Variants in SLC25A13 observed in about 807,000 individuals in gnomAD.
SLC25A13 encodes the protein solute carrier family 25 member 13.
In SLC25A13, 70 loss-of-function variants were observed where a neutral mutation model predicts 85.5. The ratio of observed to expected loss-of-function variants is 0.82; its 90% confidence interval spans 0.68 to 1.00. The LOEUF (loss-of-function observed/expected upper bound fraction) is 1.00, where lower values mean the gene tolerates loss of function less well. Ranked by LOEUF, SLC25A13 falls within the 50% of genes least tolerant of loss-of-function variation. The pLI is 0.00. For missense variants in SLC25A13, 765 were observed against 819.8 expected (o/e 0.93, Z 0.82); for synonymous variants, 259 against 288.7 (o/e 0.90, Z 1.04).
chr7:96,202,835 A>G (rs1213033103), intron 5 of SLC25A13, among the ~76,000 whole-genome samples: 3 of 152,100 alleles, frequency 2.0e-5, no homozygotes, highest in African/African-American at 7.2e-5. Flanking sequence ...TCAATGAAAC[A>G]CCACCATCCT....
chr7:96,133,996 C>T (rs1792152518), intron 14 of SLC25A13, among the ~76,000 whole-genome samples: 1 of 151,102 alleles, frequency 6.6e-6, no homozygotes, highest in Admixed American at 6.6e-5. Context: ...GAAACTAAAA[C>T]CAAGCTTTTA....
At chr7:96,188,084 C>T (rs1412659018) in intron 9 of SLC25A13, among the ~76,000 whole-genome samples, 1 of 152,182 alleles carries the variant, frequency 6.6e-6, no homozygotes, top group Non-Finnish European at 1.5e-5. Context: ...CTAAAAAAAA[C>T]TTCTCTGCTT....
At chr7:96,200,765 G>T (rs1451514600) in intron 5 of SLC25A13, among the ~76,000 whole-genome samples, 1 of 152,152 alleles carries the variant, frequency 6.6e-6, no homozygotes, top group African/African-American at 2.4e-5. Flanking sequence ...GGTAACAGCT[G>T]GGGAGATGCT....
In SLC25A13 at chr7:96,131,891, T is replaced by G. The variant is rs1292924285; in HGVS notation, c.1453-10A>C. 1 of 1,613,934 alleles carries G rather than the reference T, an allele frequency of 6.2e-7. No individual in the cohort carries two copies. Among genetic ancestry groups the G allele is most frequent in the East Asian group, 2.2e-5 (1 of 44,872 alleles). Reference sequence around the variant, plus strand: ...AGCATGCTTTGGCACCCTGCACATTTGCAAAGGAAGAAAAACCACATGAAA... The same window carrying G: ...AGCATGCTTTGGCACCCTGCACATTGGCAAAGGAAGAAAAACCACATGAAA... On this transcript the variant is annotated splice_polypyrimidine_tract_variant and intron_variant, in intron 14 of 17. Transcript: ENST00000265631.
chr7:96,174,974 T>C (rs1321762385), intron 11 of SLC25A13, among the ~76,000 whole-genome samples: 2 of 152,194 alleles, frequency 1.3e-5, no homozygotes, highest in East Asian at 3.8e-4. Flanking sequence ...GTGAGACTGG[T>C]GCCTCCCCGC....
At chr7:96,133,284 T>C (rs912052260) in intron 14 of SLC25A13, among the ~76,000 whole-genome samples, 5 of 152,212 alleles carry the variant, frequency 3.3e-5, no homozygotes, top group Admixed American at 2.0e-4. Flanking sequence ...GGCTTCTGTA[T>C]CTTGTCCACC....
At chr7:96,138,898 C>A (rs1248123718) in intron 14 of SLC25A13, among the ~76,000 whole-genome samples, 1 of 152,146 alleles carries the variant, frequency 6.6e-6, no homozygotes. Context: ...TTCAAGCCAT[C>A]TCCTTTTAAT....
chr7:96,321,107 C>A (rs774538195), intron 1 of SLC25A13, among the ~76,000 whole-genome samples: 34 of 152,302 alleles, frequency 2.2e-4, no homozygotes, highest in Middle Eastern at 3.4e-3. Flanking sequence ...AGTTGAAATG[C>A]AGTCCAAAGA....
chr7:96,222,060 T>C (rs1332092825), intron 4 of SLC25A13, among the ~76,000 whole-genome samples: 1 of 152,256 alleles, frequency 6.6e-6, no homozygotes, highest in Non-Finnish European at 1.5e-5. Context: ...TAAATAGATT[T>C]ATTTTTTCCG....
intron 4 of SLC25A13, among the ~76,000 whole-genome samples, chr7:96,217,572 T>C (rs1795942660): frequency 1.3e-5 from 2 of 152,160 alleles, no homozygotes; most frequent in African/African-American, 2.4e-5. Flanking sequence ...GAATAACATA[T>C]GTGCTACATC....
Position 96,124,339 on chromosome 7 carries a change from T to C in SLC25A13, c.1592-2342A>G, listed in dbSNP as rs139274555. Among the ~76,000 whole-genome samples the C allele has an allele frequency of 7.1e-3, 1,080 of 152,356 alleles. 8 individuals carry two copies. The highest frequency in any genetic ancestry group is 0.012 in the Non-Finnish European group (839 of 68,034). Reference sequence around the variant, plus strand: ...GTTTTCCAAATCCCCTTTGCATCTCTATCTATATTATCTACTTAATACGTC... The same window carrying C: ...GTTTTCCAAATCCCCTTTGCATCTCCATCTATATTATCTACTTAATACGTC... On this transcript the variant is annotated intron_variant, in intron 15 of 17. Coordinates refer to ENST00000265631, the MANE Select transcript of SLC25A13 (RefSeq NM_014251.3).
intron 3 of SLC25A13, among the ~76,000 whole-genome samples, chr7:96,257,612 T>G (rs1248638423): frequency 1.3e-5 from 2 of 152,198 alleles, no homozygotes; most frequent in African/African-American, 2.4e-5. Context: ...CCAGATGGAT[T>G]CACAGCCAAA....
intron 12 of SLC25A13, 62 bp downstream of exon 12, chr7:96,171,410 C>T (rs1793994223): frequency 6.9e-7 from 1 of 1,447,518 alleles, no homozygotes; most frequent in Non-Finnish European, 9.7e-7. Flanking sequence ...ATAAGAATAC[C>T]TGCTAGATTC....
chr7:96,296,263 G>A (rs1357419850), intron 2 of SLC25A13, among the ~76,000 whole-genome samples: 1 of 152,024 alleles, frequency 6.6e-6, no homozygotes, highest in African/African-American at 2.4e-5. Flanking sequence ...TTTACAATGA[G>A]CTTTAAACTT....
At position 96,154,176 on chromosome 7, in the gene SLC25A13, T is replaced by A. The variant is rs77565654; in HGVS notation, c.1312-7480A>T. ...TCTGAATAAAAAATCGTGTAGAGGA[T>A]CTTATATCAGTACACATTTACACAC... On this transcript the variant is annotated intron_variant, in intron 13 of 17. Transcript: ENST00000265631. 6.1e-3 allele frequency among the ~76,000 whole-genome samples: 928 copies of A among 152,190 alleles called. 9 individuals are homozygous for A. The highest frequency in any genetic ancestry group is 0.021 in the African/African-American group (884 of 41,520).
In SLC25A13 at chr7:96,295,384, A is replaced by G. The variant is rs529502146; in HGVS notation, c.69+1514T>C. 2.8e-4 allele frequency among the ~76,000 whole-genome samples: 43 copies of G among 152,304 alleles called. 1 individual carries two copies. The highest frequency in any genetic ancestry group is 7.7e-4 in the African/African-American group (32 of 41,576). On this transcript the variant is annotated intron_variant, in intron 2 of 17. Coordinates refer to ENST00000265631, the MANE Select transcript of SLC25A13 (RefSeq NM_014251.3). ...GAAAAGAAAAGAAAATTTTTCAAAC[A>G]TATACAAAGTAGAGAGAACAGTGTA... is the stretch of plus-strand genomic sequence containing the variant.
intron 4 of SLC25A13, among the ~76,000 whole-genome samples, chr7:96,221,014 T>A (rs911469767): frequency 6.6e-6 from 1 of 152,216 alleles, no homozygotes; most frequent in African/African-American, 2.4e-5. Context: ...AATGGAGTGA[T>A]GAAGTAGCAA....
Position 96,300,107 on chromosome 7 carries a change from G to A in SLC25A13, c.16-3156C>T, listed in dbSNP as rs1450339709. ...TAACAGTGTGTAGTGTCTGTCCAAT[G>A]CTGTGATTAAGGACATGATCTTACA... On this transcript the variant is annotated intron_variant, in intron 1 of 17. Coordinates refer to ENST00000265631, the MANE Select transcript of SLC25A13 (RefSeq NM_014251.3). Among the ~76,000 whole-genome samples the A allele has an allele frequency of 2.0e-5, 3 of 152,122 alleles. No homozygotes were observed. The East Asian group carries it at 5.8e-4, about 29-fold the overall frequency.
chr7:96,155,919 C>A (rs142748998), intron 13 of SLC25A13, among the ~76,000 whole-genome samples: 6 of 152,212 alleles, frequency 3.9e-5, no homozygotes, highest in African/African-American at 1.4e-4. Flanking sequence ...AGAATGTGAA[C>A]GCGACTTGCC....
Sources: gnomAD v4.1 joint callset for allele counts (sites outside exome capture counted in the v4.1 genomes callset) on GRCh38, gnomAD v4.1.1 for gene constraint, MANE v1.5 for transcripts, NCBI Gene and HGNC (gene_info 2026-07-23, HGNC 2026-07-21) for gene names.